MCTP1: variants seen among roughly 807,000 people sequenced by gnomAD.
MCTP1 encodes multiple C2 and transmembrane domain-containing protein 1.
Under a neutral mutation model 120.6 loss-of-function variants are expected in MCTP1, and 69 were observed. The ratio of observed to expected loss-of-function variants is 0.57; its 90% CI spans 0.47 to 0.70. The LOEUF is 0.70. Among genes scored for constraint, MCTP1 ranks in the 30% least tolerant of loss-of-function variants. The probability of loss-of-function intolerance (pLI) is 0.00; values close to 1 mark genes in which losing one functional copy is unlikely to be tolerated. For synonymous variants in MCTP1, 529 were observed against 493.1 expected, an observed-to-expected ratio of 1.07 and a Z score of -0.96; for missense variants, 1,203 against 1,248.8, an observed-to-expected ratio of 0.96 and a Z score of 0.55.
intron 1 of MCTP1, among the ~76,000 whole-genome samples, chr5:95,090,605 C>G (rs1755776230): frequency 6.6e-6 from 1 of 152,178 alleles, no homozygotes. Flanking sequence ...CGTTGCTCCT[C>G]TCTACTCATC....
At chr5:94,765,332 A>C (rs1021431262) in intron 19 of MCTP1, among the ~76,000 whole-genome samples, 2 of 152,220 alleles carry the variant, frequency 1.3e-5, no homozygotes, top group African/African-American at 2.4e-5. Flanking sequence ...ATGTACCTCA[A>C]GGAACTAGAA....
At chr5:95,267,242 T>A (rs1758975170) in intron 1 of MCTP1, among the ~76,000 whole-genome samples, 1 of 152,160 alleles carries the variant, frequency 6.6e-6, no homozygotes. Flanking sequence ...TAGAACCCTC[T>A]CCAAAGTTTT....
intron 1 of MCTP1, chr5:95,081,741 G>A: frequency 8.1e-7 from 1 of 1,227,104 alleles, no homozygotes; most frequent in Admixed American, 3.9e-5. Context: ...GTTTCCCATT[G>A]CAAAACTGTT....
At chr5:95,002,419 G>A (rs997137980) in intron 2 of MCTP1, among the ~76,000 whole-genome samples, 5 of 152,206 alleles carry the variant, frequency 3.3e-5, no homozygotes, top group African/African-American at 1.2e-4. Flanking sequence ...GCCAGCCTGT[G>A]AAAGCAACCA....
At chr5:95,121,440 AAAG>A (rs1316221045) in intron 1 of MCTP1, among the ~76,000 whole-genome samples, 5 of 152,148 alleles carry the variant, frequency 3.3e-5, no homozygotes, top group Admixed American at 2.6e-4. Flanking sequence ...GAATTAACTT[AAAG>A]AAGTGAAAGA....
In MCTP1 at chr5:94,870,952, C is replaced by T. The variant is rs758294538; in HGVS notation, c.2161G>A (p.Ala721Thr). Residue 721 changes from alanine (A) to threonine (T), a missense_variant, in exon 15 of 23, where the codon GCC becomes ACC. This residue lies in a region of MCTP1 where 740 missense variants were observed against 871.1 expected (regional missense o/e 0.85). Coordinates refer to ENST00000515393, the MANE Select transcript of MCTP1 (RefSeq NM_024717.7). ...LLSIQNGEQK[A>T]YVLKNKQLTG... ...AGCTGCTTGTTTTTCAAGACGTAGG[C>T]TTTCTGTTCACCATTTTGAATCTGC... 2 of 1,613,098 alleles carry T rather than the reference C, an allele frequency of 1.2e-6. No individual in the cohort carries two copies. Among genetic ancestry groups the T allele is most frequent in the East Asian group, 2.2e-5 (1 of 44,816 alleles).
intron 10 of MCTP1, among the ~76,000 whole-genome samples, chr5:94,901,946 A>G (rs1240335334): frequency 6.6e-6 from 1 of 152,208 alleles, no homozygotes; most frequent in Admixed American, 6.5e-5. Context: ...ATACATGAAC[A>G]CAGGTGGCTC....
chr5:94,836,096 C>T (rs1020892142), intron 17 of MCTP1, among the ~76,000 whole-genome samples: 2 of 137,088 alleles, frequency 1.5e-5, no homozygotes, highest in African/African-American at 2.7e-5. Flanking sequence ...AGAAAAATTG[C>T]TTGAACCCAG....
In MCTP1 at chr5:95,018,460, C is replaced by T. The variant is rs116723421; in HGVS notation, c.721-976G>A. On this transcript the variant is annotated intron_variant, in intron 1 of 22. Transcript: ENST00000515393. ...TAAAGCAGCATTTAAACAATCTTTA[C>T]GGTATATAATTCACATACCCTACAT... is the stretch of plus-strand genomic sequence containing the variant. 8.2e-3 allele frequency among the ~76,000 whole-genome samples: 1,245 copies of T among 151,476 alleles called. 24 individuals carry two copies. Among genetic ancestry groups the T allele is most frequent in the African/African-American group, 0.029 (1,192 of 41,388 alleles).
chr5:95,051,553 T>G (rs936929794), intron 1 of MCTP1, among the ~76,000 whole-genome samples: 2 of 152,204 alleles, frequency 1.3e-5, no homozygotes, highest in Non-Finnish European at 1.5e-5. Context: ...TCCAAATTTC[T>G]GTTCTTTCCG....
At chr5:94,748,563 G>T (rs1204868459) in intron 19 of MCTP1, among the ~76,000 whole-genome samples, 1 of 152,146 alleles carries the variant, frequency 6.6e-6, no homozygotes, top group Non-Finnish European at 1.5e-5. Context: ...TCTTTGACTG[G>T]AAATAAAATT....
At chr5:95,012,534 C>A (rs1257982314) in intron 2 of MCTP1, among the ~76,000 whole-genome samples, 1 of 152,136 alleles carries the variant, frequency 6.6e-6, no homozygotes, top group Admixed American at 6.6e-5. Context: ...TCTATCAGCA[C>A]CATTTTTCAA....
At chr5:95,272,856 G>T (rs1759517033) in intron 1 of MCTP1, among the ~76,000 whole-genome samples, 1 of 152,172 alleles carries the variant, frequency 6.6e-6, no homozygotes, top group Admixed American at 6.5e-5. Flanking sequence ...GACCCAAATG[G>T]TCAAGTTTTT....
intron 1 of MCTP1, among the ~76,000 whole-genome samples, chr5:95,153,296 T>C (rs1744747240): frequency 6.6e-6 from 1 of 152,208 alleles, no homozygotes; most frequent in Admixed American, 6.5e-5. Flanking sequence ...TCCTCCATGA[T>C]TGTAAGTTTC....
intron 1 of MCTP1, among the ~76,000 whole-genome samples, chr5:95,222,035 G>C (rs144916891): frequency 5.9e-4 from 90 of 152,308 alleles, no homozygotes; most frequent in African/African-American, 1.8e-3. Context: ...TGGAGTAACT[G>C]AAAATAAACT....
chr5:94,870,283 A>G, intron 16 of MCTP1, 134 bp downstream of exon 16: 3 of 592,186 alleles, frequency 5.1e-6, no homozygotes, highest in Non-Finnish European at 6.0e-6. Flanking sequence ...AGAAAGCGCC[A>G]TTTTCAATAA....
chr5:94,982,862 TG>T (rs1227300373), intron 2 of MCTP1, among the ~76,000 whole-genome samples: 1 of 95,764 alleles, frequency 1.0e-5, no homozygotes, highest in Non-Finnish European at 2.0e-5. Flanking sequence ...GTACTCTACC[TG>T]GGGGACAGAG....
At chr5:94,862,991 A>T (rs1407503251) in intron 17 of MCTP1, among the ~76,000 whole-genome samples, 3 of 151,786 alleles carry the variant, frequency 2.0e-5, no homozygotes, top group African/African-American at 7.3e-5. Context: ...AAATCAGTGA[A>T]ATTTTATATA....
intron 1 of MCTP1, among the ~76,000 whole-genome samples, chr5:95,105,738 A>T (rs565695932): frequency 1.1e-4 from 16 of 152,178 alleles, no homozygotes; most frequent in Non-Finnish European, 1.5e-5. Context: ...AGGAAATGTT[A>T]CACTAAACAA....
Sources: allele counts gnomAD v4.1 joint callset (sites outside exome capture counted in the v4.1 genomes callset), GRCh38; gene constraint gnomAD v4.1.1; regional missense constraint gnomAD v4.1.1; transcripts MANE v1.5; gene names NCBI Gene and HGNC (gene_info 2026-07-23, HGNC 2026-07-21).